Variants in KANK3 observed in about 807,000 individuals in gnomAD.
KANK3 encodes the protein KN motif and ankyrin repeat domain-containing protein 3.
A neutral mutation model predicts 65.4 loss-of-function variants in KANK3; 61 were observed. That is an observed-to-expected ratio of 0.93 (90% CI 0.76 to 1.15). KANK3 has a LOEUF of 1.15. KANK3 is among the 50% of genes most tolerant of loss of function. The pLI is 0.00. For missense variants in KANK3, 1,187 were observed against 1,178.8 expected (o/e 1.01, Z -0.10); for synonymous variants, 586 against 543.3 (o/e 1.08, Z -1.09).
chr19:8,339,455 G>A (rs562754058), intron 1 of KANK3, among the ~76,000 whole-genome samples: 2 of 151,674 alleles, frequency 1.3e-5, no homozygotes, highest in South Asian at 4.2e-4. Context: ...TGCCTCCTGG[G>A]TTCAAGTGAT....
At position 8,324,646 on chromosome 19, in the gene KANK3, G is replaced by T; in HGVS notation, c.2267C>A (p.Pro756His). 6.2e-7 allele frequency: 1 copy of T among 1,614,040 alleles called. No homozygotes were observed. Among genetic ancestry groups the T allele is most frequent in the Non-Finnish European group, 8.5e-7 (1 of 1,180,004 alleles). The change falls in exon 9 of 11, where the codon CCT (proline) becomes CAT (histidine). Residue 756 changes from proline to histidine, a missense_variant. Around this residue, in one of 3 missense-constraint regions of KANK3, gnomAD observed 1,078 missense variants for 1,038.2 expected, o/e 1.04. Coordinates refer to ENST00000330915, the MANE Select transcript of KANK3 (RefSeq NM_198471.3). The part of the protein sequence containing the change: ...RLLLTQPGCD[P>H]AILDNEGTSA... Reference sequence around the variant, plus strand: ...GGGTCTTACATTGTCCAGGATGGCAGGGTCACAGCCTGGCTGGGTGAGCAG... The same window carrying T: ...GGGTCTTACATTGTCCAGGATGGCATGGTCACAGCCTGGCTGGGTGAGCAG...
In KANK3 at chr19:8,322,808, C is replaced by A. The variant is rs755238232; in HGVS notation, c.*31G>T. The A allele has an allele frequency of 6.5e-7, 1 of 1,538,156 alleles. No homozygotes were observed. The highest frequency in any genetic ancestry group is 1.7e-5 in the Admixed American group (1 of 58,514). On this transcript the variant is annotated 3_prime_UTR_variant, in exon 11 of 11. Transcript: ENST00000330915. Reference sequence around the variant, plus strand: ...GGTGACTGACGAGGAGATCTCCCCACAGCTAGGTGTAGTGAGCCAGACGAG... The same window carrying A: ...GGTGACTGACGAGGAGATCTCCCCAAAGCTAGGTGTAGTGAGCCAGACGAG...
chr19:8,325,113 G>GGCCGTCCAC lies in KANK3; in HGVS notation c.1937-26_1937-18dup. On this transcript the variant is annotated splice_polypyrimidine_tract_variant and intron_variant, in intron 7 of 10. Coordinates refer to ENST00000330915, the MANE Select transcript of KANK3 (RefSeq NM_198471.3). The stretch of plus-strand genomic sequence containing the variant: ...CGCAGGCCCCTGGGAGAGAAAAGGG[G>GGCCGTCCAC]GCCGTCCACGGAGATGCCAACACCG... 3 of 1,602,820 alleles carry GGCCGTCCAC rather than the reference G, an allele frequency of 1.9e-6. No individual in the cohort carries two copies. The highest frequency in any genetic ancestry group is 2.6e-6 in the Non-Finnish European group (3 of 1,176,024).
intron 2 of KANK3, 57 bp from the exon 3 acceptor site, chr19:8,335,849 T>C: frequency 4.3e-6 from 5 of 1,164,952 alleles, no homozygotes; most frequent in Non-Finnish European, 5.4e-6. Flanking sequence ...ACCCGGGAGA[T>C]ACTAAACAAA....
Position 8,324,822 on chromosome 19 carries a change from C to T in KANK3, c.2091G>A (p.Gln697=), listed in dbSNP as rs755016509. ...GGCTGATGGCCAGCATGAGGGCTGT[C>T]TGCCCCGTCTGGGGAGTGGGGAGGA... is the stretch of plus-strand genomic sequence containing the variant. ...DVNAKASQTG[Q]TALMLAISHG... The change falls in exon 9 of 11, where the codon CAG becomes CAA. Residue 697 remains glutamine (Q), a synonymous_variant. Transcript: ENST00000330915. 1.9e-6 allele frequency: 3 copies of T among 1,610,862 alleles called. No homozygotes were observed. Among genetic ancestry groups the T allele is most frequent in the South Asian group, 2.2e-5 (2 of 91,040 alleles).
At chr19:8,323,053 C>G (rs1476938362) in intron 10 of KANK3, 131 bp from the exon 11 acceptor site, 2 of 530,450 alleles carry the variant, frequency 3.8e-6, no homozygotes, top group Non-Finnish European at 6.5e-6. Context: ...TATCCAACCT[C>G]TGCCCCTTCT....
intron 1 of KANK3, among the ~76,000 whole-genome samples, chr19:8,342,359 CTCT>C (rs1327695660): frequency 8.5e-5 from 13 of 152,306 alleles, no homozygotes; most frequent in African/African-American, 2.9e-4. Context: ...TGCCCACCAC[CTCT>C]GCGGCTTCAG....
intron 1 of KANK3, among the ~76,000 whole-genome samples, chr19:8,341,556 G>A (rs1362202732): frequency 6.6e-6 from 1 of 152,096 alleles, no homozygotes; most frequent in Non-Finnish European, 1.5e-5. Context: ...GATTACAGGT[G>A]TGCACCACCA....
intron 2 of KANK3, among the ~76,000 whole-genome samples, chr19:8,337,032 T>C (rs530760226): frequency 8.0e-6 from 1 of 125,674 alleles, no homozygotes; most frequent in Non-Finnish European, 1.7e-5. Context: ...GTTTTTTGTT[T>C]TGTTTTTTTC....
chr19:8,324,216 G>T (rs1196069565), intron 10 of KANK3, among the ~76,000 whole-genome samples: 1 of 152,170 alleles, frequency 6.6e-6, no homozygotes, highest in East Asian at 1.9e-4. Flanking sequence ...TTGAGCTCAG[G>T]AGTTTGTGGC....
At chr19:8,326,414 C>A (rs897741082) in intron 7 of KANK3, among the ~76,000 whole-genome samples, 2 of 141,812 alleles carry the variant, frequency 1.4e-5, no homozygotes, top group Non-Finnish European at 3.1e-5. Flanking sequence ...ACAGTGAGAC[C>A]CTGTCTCAAA....
At chr19:8,341,964 G>A (rs1173516086) in intron 1 of KANK3, among the ~76,000 whole-genome samples, 6 of 152,268 alleles carry the variant, frequency 3.9e-5, no homozygotes, top group Non-Finnish European at 8.8e-5. Flanking sequence ...AGGTCTTCCA[G>A]AGTCCTTGCT....
At position 8,334,983 on chromosome 19, in the gene KANK3, C is replaced by T. The variant is rs765911524; in HGVS notation, c.844G>A (p.Gly282Ser). Residue 282 changes from glycine to serine, a missense_variant, in exon 3 of 11, where the codon GGC (glycine) becomes AGC (serine). Transcript: ENST00000330915. ...TCCCCGTCGAGGACCTGGAGCGCGC[C>T]CTCGCTGCGCCCTGCAGCCAGGCCG... ...PDGLAAGRSEGALQVLDGEVG... is the reference protein window; with the variant it reads ...PDGLAAGRSESALQVLDGEVG... 6.7e-7 allele frequency: 1 copy of T among 1,491,012 alleles called. No individual in the cohort carries two copies. The highest frequency in any genetic ancestry group is 8.8e-7 in the Non-Finnish European group (1 of 1,130,396). 92.4% of individuals were successfully genotyped at this position (1,491,012 alleles called of 1,614,324 possible).
chr19:8,322,664 G>A lies in KANK3; in HGVS notation c.*175C>T. 1 of 603,310 alleles carries A rather than the reference G, an allele frequency of 1.7e-6. No homozygotes were observed. The highest frequency in any genetic ancestry group is 2.8e-5 in the East Asian group (1 of 35,796). 37.4% of individuals were successfully genotyped at this position (603,310 alleles called of 1,614,324 possible). A position where few individuals can be genotyped will look rare whatever the true frequency, so the allele number is the denominator to read the frequency against. On this transcript the variant is annotated 3_prime_UTR_variant, in exon 11 of 11. Transcript: ENST00000330915. ...TATCACTTGGTCCCCACCTCACCTT[G>A]GTGGGGCCAGAGTGAGCCCCTTCCT...
intron 1 of KANK3, among the ~76,000 whole-genome samples, chr19:8,342,973 GC>G (rs1230265841): frequency 2.0e-5 from 3 of 152,168 alleles, no homozygotes; most frequent in African/African-American, 7.2e-5. Flanking sequence ...GAGCGAACGA[GC>G]CCCGCAGTGA....
At chr19:8,328,541 G>C (rs931644473) in intron 7 of KANK3, among the ~76,000 whole-genome samples, 4 of 151,924 alleles carry the variant, frequency 2.6e-5, no homozygotes, top group African/African-American at 9.7e-5. Flanking sequence ...GTGAGAGAGG[G>C]GTATGGAGAA....
In KANK3 at chr19:8,333,988, G is replaced by C. The variant is rs899914548; in HGVS notation, c.1556C>G (p.Pro519Arg). Residue 519 changes from proline to arginine, a missense_variant, in exon 5 of 11, where the codon CCT (proline) becomes CGT (arginine). By Grantham distance (103) the Pro-to-Arg change is moderately radical. Transcript: ENST00000330915. This position sits in a 1 kb window ranked among gnomAD's most constrained non-coding sequence, Gnocchi z 5.0. ...DSGGGSDSGT[P>R]GPPSGGDIRD... is the part of the protein sequence containing the mutation. ...GATGTCCCCGCCGCTGGGAGGGCCA[G>C]GGGTGCCCGAGTCGGATCCCCCGCC... 25 of 1,564,900 alleles carry C rather than the reference G, an allele frequency of 1.6e-5. No homozygotes were observed. In the Admixed American group the frequency reaches 3.6e-4, roughly 23 times the overall value.
intron 7 of KANK3, among the ~76,000 whole-genome samples, chr19:8,331,797 C>A (rs1380960554): frequency 6.6e-6 from 1 of 152,016 alleles, no homozygotes; most frequent in Non-Finnish European, 1.5e-5. Flanking sequence ...TTACTGATCT[C>A]GTACTACCTG....
chr19:8,323,328 G>A (rs143298876), intron 10 of KANK3: 1 of 157,320 alleles, frequency 6.4e-6, no homozygotes, highest in African/African-American at 2.4e-5. Flanking sequence ...AATGTCTTAT[G>A]TAATTTATTG....
Sources: gnomAD v4.1 joint callset for allele counts (sites outside exome capture counted in the v4.1 genomes callset) on GRCh38, gnomAD v4.1.1 for gene constraint, gnomAD v4.1.1 regional missense constraint, Gnocchi (gnomAD v3.1) non-coding constraint, MANE v1.5 for transcripts, NCBI Gene and HGNC (gene_info 2026-07-23, HGNC 2026-07-21) for gene names.